COG5: variants seen among roughly 807,000 people sequenced by gnomAD.
The protein encoded by COG5 is conserved oligomeric Golgi complex subunit 5.
COG5 carries 86 observed loss-of-function variants against 110.4 expected under a neutral mutation model. The observed-to-expected ratio is 0.78, with a 90% CI of 0.65 to 0.93. The LOEUF is 0.93. COG5 is among the 40% of genes least tolerant of loss of function. The probability of loss-of-function intolerance (pLI) is 0.00; values close to 1 mark genes in which losing one functional copy is unlikely to be tolerated. For synonymous variants in COG5, 360 were observed against 334.6 expected (o/e 1.08, Z -0.83); for missense variants, 1,077 against 987.0 (o/e 1.09, Z -1.22).
chr7:107,412,011 A>T (rs1487324360), intron 7 of COG5, among the ~76,000 whole-genome samples: 2 of 152,270 alleles, frequency 1.3e-5, no homozygotes, highest in African/African-American at 2.4e-5. Context: ...AAAATTTTTT[A>T]AATTATGGCA....
intron 6 of COG5, among the ~76,000 whole-genome samples, chr7:107,506,915 T>C (rs932627436): frequency 2.6e-5 from 4 of 152,232 alleles, no homozygotes; most frequent in Admixed American, 6.5e-5. Context: ...CTTCCTGAGT[T>C]AGCTGGCGGA....
At chr7:107,315,777 G>GT (rs907379981) in intron 11 of COG5, among the ~76,000 whole-genome samples, 24 of 152,094 alleles carry the variant, frequency 1.6e-4, no homozygotes, top group Non-Finnish European at 1.5e-4. Flanking sequence ...TTCAGGGACT[G>GT]TATGTGCTAT....
intron 7 of COG5, among the ~76,000 whole-genome samples, chr7:107,385,868 A>C (rs967015850): frequency 7.7e-6 from 1 of 129,252 alleles, no homozygotes; most frequent in South Asian, 2.4e-4. Flanking sequence ...TTGTGGTTTT[A>C]ATTTGCATTT....
At chr7:107,556,893 C>A (rs547913217) in intron 2 of COG5, among the ~76,000 whole-genome samples, 1 of 152,158 alleles carries the variant, frequency 6.6e-6, no homozygotes, top group East Asian at 1.9e-4. Flanking sequence ...GCCTCAGCCT[C>A]CCGAGTAGCT....
chr7:107,543,191 G>T (rs534160995), intron 5 of COG5, among the ~76,000 whole-genome samples: 21 of 152,196 alleles, frequency 1.4e-4, no homozygotes, highest in African/African-American at 4.3e-4. Flanking sequence ...CTTCACAAAA[G>T]TTAAAGAAAC....
intron 14 of COG5, among the ~76,000 whole-genome samples, chr7:107,261,314 T>TTCTC (rs146146553): frequency 2.4e-4 from 36 of 149,120 alleles, no homozygotes; most frequent in African/African-American, 4.2e-4. Flanking sequence ...ATCATTTGTA[T>TTCTC]TCTCTCTCTC....
chr7:107,558,199 A>ATTG, intron 1 of COG5, 84 bp from the exon 2 acceptor site: 3 of 1,412,248 alleles, frequency 2.1e-6, no homozygotes, highest in Non-Finnish European at 3.0e-6. Flanking sequence ...TATAATCATA[A>ATTG]TTAACATATT....
chr7:107,209,197 C>T (rs1381123733), intron 21 of COG5: 3 of 985,246 alleles, frequency 3.0e-6, no homozygotes, highest in Admixed American at 6.2e-5. Context: ...AATTGGGATC[C>T]CCTGGGAGAG....
chr7:107,317,118 T>C (rs1808830397), intron 11 of COG5, among the ~76,000 whole-genome samples: 3 of 152,074 alleles, frequency 2.0e-5, no homozygotes, highest in East Asian at 1.9e-4. Context: ...ATATGAAAGA[T>C]GGCTTTCAAG....
chr7:107,536,893 T>A (rs1801622601), intron 5 of COG5, among the ~76,000 whole-genome samples: 1 of 152,172 alleles, frequency 6.6e-6, no homozygotes, highest in Non-Finnish European at 1.5e-5. Context: ...CAAAACAGCA[T>A]GGTACTGATA....
intron 1 of COG5, among the ~76,000 whole-genome samples, chr7:107,559,309 A>G (rs1803588760): frequency 6.6e-6 from 1 of 152,188 alleles, no homozygotes; most frequent in Non-Finnish European, 1.5e-5. Flanking sequence ...ATTGAAAGCT[A>G]AAAATAGATA....
At position 107,414,042 on chromosome 7, in the gene COG5, A is replaced by G. The variant is rs545094660; in HGVS notation, c.539-1410T>C. Among the ~76,000 whole-genome samples, 3 of 152,368 alleles carry G rather than the reference A, an allele frequency of 2.0e-5. No individual in the cohort carries two copies. In the East Asian group the frequency reaches 5.8e-4, roughly 29 times the overall value. ...GAATAGAGCTTATATTCAAAGAGAT[A>G]GTATTCCTCCGATATTCTTCCAATT... On this transcript the variant is annotated intron_variant, in intron 6 of 21. Coordinates refer to ENST00000297135, the MANE Select transcript of COG5 (RefSeq NM_006348.5).
chr7:107,396,433 C>T (rs1027353379), intron 7 of COG5, among the ~76,000 whole-genome samples: 1 of 149,950 alleles, frequency 6.7e-6, no homozygotes, highest in East Asian at 2.0e-4. Flanking sequence ...TTTAATAGTA[C>T]AATATGATCT....
rs1798301569 is a variant in COG5, at chr7:107,201,492, C to T, written c.*2024G>A. On this transcript the variant is annotated 3_prime_UTR_variant, in exon 22 of 22. Coordinates refer to ENST00000297135, the MANE Select transcript of COG5 (RefSeq NM_006348.5). ...TATACATTGACTCTTGATGGAAAGA[C>T]TTAAGAAGATCAAGGTCTCACCATT... is the stretch of plus-strand genomic sequence containing the variant. 1.9e-6 allele frequency: 2 copies of T among 1,061,458 alleles called. No individual in the cohort carries two copies. Among genetic ancestry groups the T allele is most frequent in the Non-Finnish European group, 2.9e-6 (2 of 687,656 alleles). 65.8% of individuals were successfully genotyped at this position (1,061,458 alleles called of 1,614,324 possible).
At chr7:107,496,317 A>G (rs1798269844) in intron 6 of COG5, among the ~76,000 whole-genome samples, 1 of 152,180 alleles carries the variant, frequency 6.6e-6, no homozygotes, top group Non-Finnish European at 1.5e-5. Flanking sequence ...ATACATCATG[A>G]ACAACTAGGA....
chr7:107,563,588 C>A, intron 1 of COG5: 1 of 578,574 alleles, frequency 1.7e-6, no homozygotes. Context: ...ACACAGAAAC[C>A]AAGTGTCCCC....
intron 12 of COG5, among the ~76,000 whole-genome samples, chr7:107,294,952 T>TATATATACACAC (rs1562955379): frequency 3.7e-5 from 3 of 81,934 alleles, no homozygotes; most frequent in Non-Finnish European, 8.2e-5. Flanking sequence ...CACACACACA[T>TATATATACACAC]ATATATATAC....
intron 6 of COG5, among the ~76,000 whole-genome samples, chr7:107,440,663 C>T (rs998853328): frequency 1.3e-5 from 2 of 152,122 alleles, no homozygotes; most frequent in South Asian, 4.1e-4. Flanking sequence ...AGGCTGAAAA[C>T]TGAGTCAATC....
At chr7:107,419,616 G>A (rs576386566) in intron 6 of COG5, among the ~76,000 whole-genome samples, 103 of 149,550 alleles carry the variant, frequency 6.9e-4, no homozygotes, top group African/African-American at 2.5e-3. Flanking sequence ...CGCCCAGGCT[G>A]GAGTGCAATG....
Sources: gnomAD v4.1 joint callset for allele counts (sites outside exome capture counted in the v4.1 genomes callset) on GRCh38, gnomAD v4.1.1 for gene constraint, MANE v1.5 for transcripts, NCBI Gene and HGNC (gene_info 2026-07-23, HGNC 2026-07-21) for gene names.